Variants in TEAD1 observed in about 807,000 individuals in gnomAD.
The protein encoded by TEAD1 is transcriptional enhancer factor TEF-1.
Under a neutral mutation model 54.9 loss-of-function variants are expected in TEAD1, and 9 were observed. That is an observed-to-expected ratio of 0.16 (90% confidence interval 0.10 to 0.29). The LOEUF (loss-of-function observed/expected upper bound fraction) is 0.29, where lower values mean the gene tolerates loss of function less well. Ranked by LOEUF, TEAD1 falls within the 10% of genes least tolerant of loss-of-function variation. The pLI is 1.00. For synonymous variants in TEAD1, 200 were observed against 187.8 expected (o/e 1.07, Z -0.53); for missense variants, 387 against 535.9 (o/e 0.72, Z 2.74).
intron 3 of TEAD1, among the ~76,000 whole-genome samples, chr11:12,836,067 A>G (rs566309903): frequency 6.6e-6 from 1 of 152,224 alleles, no homozygotes; most frequent in Non-Finnish European, 1.5e-5. Context: ...CAATGTATAC[A>G]TATATGATAA....
At chr11:12,885,396 T>C (rs961663064) in intron 9 of TEAD1, among the ~76,000 whole-genome samples, 3 of 151,958 alleles carry the variant, frequency 2.0e-5, no homozygotes, top group South Asian at 2.1e-4. Flanking sequence ...CCACTACGCC[T>C]GGCTAATTTT....
At chr11:12,883,423 CAAG>C (rs1259631010) in intron 9 of TEAD1, among the ~76,000 whole-genome samples, 1 of 152,122 alleles carries the variant, frequency 6.6e-6, no homozygotes, top group African/African-American at 2.4e-5. Flanking sequence ...TAAAATTTAA[CAAG>C]AAGTAACATT....
intron 2 of TEAD1, among the ~76,000 whole-genome samples, chr11:12,751,090 C>T (rs115035020): frequency 0.014 from 2,053 of 152,002 alleles, 43 homozygotes; most frequent in African/African-American, 0.047. Context: ...GCAGGAGAAT[C>T]GCTTGAGGCC....
intron 2 of TEAD1, among the ~76,000 whole-genome samples, chr11:12,745,659 C>T (rs1414308494): frequency 6.9e-6 from 1 of 145,368 alleles, no homozygotes; most frequent in Non-Finnish European, 1.5e-5. Flanking sequence ...ATAATACGTG[C>T]AACCCTGATA....
chr11:12,815,150 C>T (rs904205803), intron 3 of TEAD1, among the ~76,000 whole-genome samples: 10 of 152,056 alleles, frequency 6.6e-5, no homozygotes, highest in Admixed American at 5.9e-4. Context: ...AGCCCCTGTC[C>T]CCAAATCTCA....
intron 3 of TEAD1, among the ~76,000 whole-genome samples, chr11:12,831,656 G>A (rs1465299381): frequency 1.3e-5 from 2 of 151,988 alleles, no homozygotes; most frequent in Non-Finnish European, 2.9e-5. Context: ...ACGTGTGCCT[G>A]TAGTCCCAGC....
chr11:12,852,442 T>G (rs1027437412), intron 3 of TEAD1, among the ~76,000 whole-genome samples: 3 of 121,262 alleles, frequency 2.5e-5, no homozygotes, highest in African/African-American at 8.1e-5. Flanking sequence ...AATCTCATCT[T>G]TTTTTCCTTT....
intron 3 of TEAD1, among the ~76,000 whole-genome samples, chr11:12,821,911 C>A (rs1946553813): frequency 6.6e-6 from 1 of 150,872 alleles, no homozygotes; most frequent in South Asian, 2.1e-4. Context: ...CTTCTCCCTC[C>A]CCTTTTCTCT....
intron 5 of TEAD1, among the ~76,000 whole-genome samples, chr11:12,872,007 T>C (rs1947756136): frequency 1.3e-5 from 2 of 152,226 alleles, no homozygotes; most frequent in South Asian, 2.1e-4. Flanking sequence ...GGCCATTTTC[T>C]TGTTCTCGCC....
At chr11:12,791,156 G>A (rs1945794657) in intron 3 of TEAD1, among the ~76,000 whole-genome samples, 1 of 152,202 alleles carries the variant, frequency 6.6e-6, no homozygotes, top group Admixed American at 6.5e-5. Context: ...CTACTCTTGT[G>A]TTTGTCTTCT....
chr11:12,786,947 T>C (rs558945918), intron 3 of TEAD1, among the ~76,000 whole-genome samples: 1 of 152,296 alleles, frequency 6.6e-6, no homozygotes, highest in African/African-American at 2.4e-5. Context: ...AGCTCGGGCA[T>C]GCCTCATGTG....
intron 2 of TEAD1, among the ~76,000 whole-genome samples, chr11:12,748,611 C>G (rs879577782): frequency 1.3e-5 from 2 of 152,072 alleles, no homozygotes; most frequent in Admixed American, 6.6e-5. Flanking sequence ...AGGAGACACT[C>G]GCTAAAAATA....
chr11:12,848,574 A>G (rs1947204807), intron 3 of TEAD1, among the ~76,000 whole-genome samples: 1 of 152,162 alleles, frequency 6.6e-6, no homozygotes, highest in Non-Finnish European at 1.5e-5. Flanking sequence ...AACTTCTTTG[A>G]ACTGCAGTTT....
intron 3 of TEAD1, among the ~76,000 whole-genome samples, chr11:12,831,551 T>C (rs1442752048): frequency 6.8e-6 from 1 of 147,878 alleles, no homozygotes; most frequent in South Asian, 2.1e-4. Context: ...TTGTGTTTTT[T>C]GTTTGTTTGT....
intron 2 of TEAD1, among the ~76,000 whole-genome samples, chr11:12,736,784 T>G (rs1030501680): frequency 6.6e-5 from 10 of 152,198 alleles, no homozygotes; most frequent in African/African-American, 2.4e-4. Context: ...AATGGCCAAA[T>G]GAATCTTCTC....
intron 3 of TEAD1, chr11:12,850,979 G>A: frequency 3.8e-6 from 3 of 789,442 alleles, no homozygotes; most frequent in Non-Finnish European, 4.6e-6. Flanking sequence ...TGAAATAGTT[G>A]CAACTTTAAA....
chr11:12,829,828 A>G (rs1946734687), intron 3 of TEAD1, among the ~76,000 whole-genome samples: 1 of 152,324 alleles, frequency 6.6e-6, no homozygotes, highest in East Asian at 1.9e-4. Flanking sequence ...AGACAGGAAT[A>G]CCTGGGTGTT....
intron 9 of TEAD1, among the ~76,000 whole-genome samples, chr11:12,887,097 G>GTTTTTTTT (rs150663285): frequency 4.4e-5 from 5 of 112,818 alleles, no homozygotes; most frequent in Admixed American, 8.8e-5. Context: ...TTTTTTGTTT[G>GTTTTTTTT]TTTTTTTTTT....
At chr11:12,847,202 T>G (rs901743956) in intron 3 of TEAD1, among the ~76,000 whole-genome samples, 1 of 150,414 alleles carries the variant, frequency 6.6e-6, no homozygotes, top group African/African-American at 2.4e-5. Flanking sequence ...GAGACTCAAG[T>G]CAACAGTAGC....
Sources: gnomAD v4.1 joint callset for allele counts (sites outside exome capture counted in the v4.1 genomes callset) on GRCh38, gnomAD v4.1.1 for gene constraint, MANE v1.5 for transcripts, NCBI Gene and HGNC (gene_info 2026-07-23, HGNC 2026-07-21) for gene names.